CLMN: variants seen among roughly 807,000 people sequenced by gnomAD.
CLMN encodes calmin (calponin-like, transmembrane).
A neutral mutation model predicts 92.7 loss-of-function variants in CLMN; 57 were observed. That is an observed-to-expected ratio of 0.61 (90% confidence interval 0.50 to 0.77). CLMN has a LOEUF of 0.77. Ranked by LOEUF, CLMN falls within the 30% of genes least tolerant of loss-of-function variation. CLMN has a pLI of 0.00. For missense variants in CLMN, 1,158 were observed against 1,237.5 expected, an observed-to-expected ratio of 0.94 and a Z score of 0.96; for synonymous variants, 466 against 470.6, an observed-to-expected ratio of 0.99 and a Z score of 0.13.
At chr14:95,312,808 A>G (rs1001644193) in intron 1 of CLMN, among the ~76,000 whole-genome samples, 2 of 152,180 alleles carry the variant, frequency 1.3e-5, no homozygotes, top group African/African-American at 4.8e-5. Context: ...ATGTGGGGGC[A>G]TCTTGACGGC....
intron 5 of CLMN, 134 bp downstream of exon 5, chr14:95,215,507 T>C (rs1486420195): frequency 4.2e-6 from 3 of 708,390 alleles, no homozygotes; most frequent in Non-Finnish European, 7.2e-6. Context: ...TAGTGCTTTT[T>C]CAGTGAGTAG....
intron 1 of CLMN, among the ~76,000 whole-genome samples, chr14:95,264,012 ATTTATTTATTTAT>A (rs1899367988): frequency 7.7e-5 from 4 of 51,728 alleles, no homozygotes; most frequent in Non-Finnish European, 1.8e-4. Flanking sequence ...TTATTACTTT[ATTTATTTATTTAT>A]TTATTTATTT....
At position 95,194,260 on chromosome 14, in the gene CLMN, TGC is replaced by T. The variant is rs72038958; in HGVS notation, c.2769+274_2769+275del. 138,595 of 1,392,748 alleles carry T rather than the reference TGC, an allele frequency of 0.1. 9,119 individuals are homozygous for T. Among genetic ancestry groups the T allele is most frequent in the East Asian group, 0.36 (13,242 of 36,450 alleles). 86.3% of individuals were successfully genotyped at this position (1,392,748 alleles called of 1,614,324 possible). The stretch of plus-strand genomic sequence containing the variant: ...TGTCTCTGAACGTGATCCTTCTGGG[TGC>T]GCGCGGGGTCCAGGTGAGGCGTTTT... On this transcript the variant is annotated intron_variant, in intron 11 of 12. Transcript: ENST00000298912. This position sits in a 1 kb window ranked among gnomAD's most constrained non-coding sequence, Gnocchi z 4.0.
chr14:95,262,717 C>A (rs185114135), intron 1 of CLMN, among the ~76,000 whole-genome samples: 1 of 152,142 alleles, frequency 6.6e-6, no homozygotes, highest in African/African-American at 2.4e-5. Context: ...CAGGTATGTG[C>A]CACCATGCCC....
At chr14:95,226,498 G>A (rs1217321138) in intron 2 of CLMN, among the ~76,000 whole-genome samples, 1 of 152,072 alleles carries the variant, frequency 6.6e-6, no homozygotes, top group East Asian at 1.9e-4. Flanking sequence ...GGTTTCTACT[G>A]TCTAAACAAG....
In CLMN at chr14:95,203,482, G is replaced by A. The variant is rs756195517; in HGVS notation, c.1867C>T (p.Gln623Ter). Residue 623 changes from glutamine (Q) to a stop codon, truncating the protein, a stop_gained, in exon 9 of 13, where the codon CAA becomes TAA. Coordinates refer to ENST00000298912, the MANE Select transcript of CLMN (RefSeq NM_024734.4). LOFTEE classifies it high-confidence loss of function. ...AHKKKDSPEP[Q>*]VKMDKHEPHQ... ...GGTTCATGTTTGTCCATCTTAACTT[G>A]AGGCTCTGGCGAATCCTTCTTTTTG... The A allele has an allele frequency of 5.0e-5, 81 of 1,613,968 alleles. No individual in the cohort carries two copies. The highest frequency in any genetic ancestry group is 6.6e-5 in the Non-Finnish European group (78 of 1,180,032).
At chr14:95,232,770 C>T (rs1012688148) in intron 1 of CLMN, among the ~76,000 whole-genome samples, 2 of 152,164 alleles carry the variant, frequency 1.3e-5, no homozygotes, top group Admixed American at 6.5e-5. Flanking sequence ...CAAGCTCTAT[C>T]GGAGATCCTT....
intron 1 of CLMN, among the ~76,000 whole-genome samples, chr14:95,271,797 T>C (rs1899720855): frequency 6.6e-6 from 1 of 152,244 alleles, no homozygotes; most frequent in African/African-American, 2.4e-5. Flanking sequence ...AATGTTCTCT[T>C]TGCCTCTTTC....
At chr14:95,200,967 T>A (rs532807227) in intron 9 of CLMN, among the ~76,000 whole-genome samples, 4 of 145,822 alleles carry the variant, frequency 2.7e-5, no homozygotes, top group Admixed American at 7.1e-5. Context: ...AATGCCTATG[T>A]TAGTGGTAAG....
intron 1 of CLMN, among the ~76,000 whole-genome samples, chr14:95,236,301 G>A (rs917861695): frequency 2.0e-5 from 3 of 150,300 alleles, no homozygotes; most frequent in Non-Finnish European, 2.9e-5. Context: ...TCAGCCAGGC[G>A]GGGGGTCTCA....
chr14:95,206,610 G>A (rs927123780), intron 8 of CLMN, among the ~76,000 whole-genome samples: 4 of 152,224 alleles, frequency 2.6e-5, no homozygotes, highest in Admixed American at 6.5e-5. Flanking sequence ...AGTTCACTGC[G>A]TGTCTGGATA....
At chr14:95,319,309 A>ACACT (rs1422869224) in intron 1 of CLMN, among the ~76,000 whole-genome samples, 1 of 82,750 alleles carries the variant, frequency 1.2e-5, no homozygotes, top group African/African-American at 3.6e-5. Flanking sequence ...GAACTCACAC[A>ACACT]CACACACACA....
rs145446754 is a variant in CLMN at position 95,228,078 on chromosome 14, G to A, written c.144+1994C>T. 1.6e-4 allele frequency among the ~76,000 whole-genome samples: 25 copies of A among 152,246 alleles called. No individual in the cohort carries two copies. The East Asian group carries it at 4.2e-3, about 26-fold the overall frequency. ...AGAAAATCCTTGATATGATAAATGC[G>A]AACAGAGGTTCATTTGGGGTGGTGA... On this transcript the variant is annotated intron_variant, in intron 2 of 12. Transcript: ENST00000298912.
rs920651699 is a variant in CLMN at position 95,182,187 on chromosome 14, T to C, written c.*9377A>G. 6.6e-5 allele frequency: 10 copies of C among 152,338 alleles called. No individual in the cohort carries two copies. The highest frequency in any genetic ancestry group is 2.4e-4 in the African/African-American group (10 of 41,576). The allele number at this position is 152,338 out of a possible 1,614,324, so 9.4% of individuals were successfully genotyped here. ...CTTTTTTTTTACAAAGCTACAGCTA[T>C]GTATATCCTAAATAGACAAAAATAA... On this transcript the variant is annotated 3_prime_UTR_variant, in exon 13 of 13. Transcript: ENST00000298912.
At chr14:95,301,437 A>G (rs946933799) in intron 1 of CLMN, among the ~76,000 whole-genome samples, 2 of 152,156 alleles carry the variant, frequency 1.3e-5, no homozygotes, top group African/African-American at 2.4e-5. Flanking sequence ...GGAACATCCC[A>G]CTCATAGAGG....
intron 1 of CLMN, among the ~76,000 whole-genome samples, chr14:95,240,160 G>A (rs1898195703): frequency 6.6e-6 from 1 of 152,204 alleles, no homozygotes; most frequent in Non-Finnish European, 1.5e-5. Context: ...GCCTAACAGT[G>A]CAATTCTCAG....
intron 1 of CLMN, among the ~76,000 whole-genome samples, chr14:95,297,811 G>GCACACACACA (rs3219870): frequency 0.017 from 2,520 of 145,058 alleles, 31 homozygotes; most frequent in Non-Finnish European, 0.022. Context: ...AATATGGCAG[G>GCACACACACA]CACACACACA....
At chr14:95,234,763 A>G (rs565660988) in intron 1 of CLMN, among the ~76,000 whole-genome samples, 2 of 152,334 alleles carry the variant, frequency 1.3e-5, no homozygotes, top group South Asian at 2.1e-4. Context: ...CTGCTTTGCC[A>G]AGAACAGATC....
At chr14:95,223,643 C>A in intron 3 of CLMN, 117 bp downstream of exon 3, 1 of 731,078 alleles carries the variant, frequency 1.4e-6, no homozygotes, top group Non-Finnish European at 2.2e-6. Context: ...TAAAAAAAGT[C>A]ACCGCTTCAG....
Sources: allele counts gnomAD v4.1 joint callset (sites outside exome capture counted in the v4.1 genomes callset), GRCh38; gene constraint gnomAD v4.1.1; non-coding constraint Gnocchi (gnomAD v3.1); transcripts MANE v1.5; gene names NCBI Gene and HGNC (gene_info 2026-07-23, HGNC 2026-07-21).